SLC9A9: variants seen among roughly 807,000 people sequenced by gnomAD.
SLC9A9 encodes sodium/hydrogen exchanger 9.
A neutral mutation model predicts 77.8 loss-of-function variants in SLC9A9; 62 were observed. The observed-to-expected ratio is 0.80, with a 90% CI of 0.65 to 0.98. SLC9A9 has a LOEUF of 0.98. Ranked by LOEUF, SLC9A9 falls within the 50% of genes least tolerant of loss-of-function variation. SLC9A9 has a pLI of 0.00. For synonymous variants in SLC9A9, 320 were observed against 283.5 expected (o/e 1.13, Z -1.29); for missense variants, 775 against 774.9 (o/e 1.00, Z 0.00).
chr3:143,788,063 T>A (rs930228870), intron 4 of SLC9A9, among the ~76,000 whole-genome samples: 7 of 151,938 alleles, frequency 4.6e-5, no homozygotes, highest in Non-Finnish European at 1.0e-4. Context: ...AAAATAAAAT[T>A]AAAAGTCTAG....
intron 14 of SLC9A9, among the ~76,000 whole-genome samples, chr3:143,284,983 T>C (rs1365342613): frequency 6.6e-6 from 1 of 152,220 alleles, no homozygotes; most frequent in Non-Finnish European, 1.5e-5. Flanking sequence ...AAGGTAAATA[T>C]GTGCTGATAT....
chr3:143,432,881 C>A (rs145887108), intron 12 of SLC9A9, among the ~76,000 whole-genome samples: 11 of 152,342 alleles, frequency 7.2e-5, no homozygotes, highest in African/African-American at 2.6e-4. Context: ...CCACCTTGGC[C>A]TTCCAAAGTG....
At chr3:143,426,686 G>A (rs1295957473) in intron 12 of SLC9A9, among the ~76,000 whole-genome samples, 1 of 152,220 alleles carries the variant, frequency 6.6e-6, no homozygotes, top group African/African-American at 2.4e-5. Context: ...CCAGTGCCAT[G>A]TTGGAAAAAG....
At chr3:143,371,029 C>T (rs574586605) in intron 13 of SLC9A9, among the ~76,000 whole-genome samples, 5 of 151,846 alleles carry the variant, frequency 3.3e-5, no homozygotes, top group African/African-American at 7.3e-5. Flanking sequence ...GTTAGGGTAC[C>T]GCTGGAGTGG....
intron 11 of SLC9A9, among the ~76,000 whole-genome samples, chr3:143,472,544 AC>A (rs2035396241): frequency 6.6e-6 from 1 of 152,190 alleles, no homozygotes; most frequent in Admixed American, 6.5e-5. Flanking sequence ...TGTTTTCTCC[AC>A]AAAGCCTTCT....
At chr3:143,406,453 C>T (rs562790953) in intron 12 of SLC9A9, among the ~76,000 whole-genome samples, 1 of 151,962 alleles carries the variant, frequency 6.6e-6, no homozygotes, top group African/African-American at 2.4e-5. Flanking sequence ...TCTCGACTCA[C>T]TGCAACCTCC....
chr3:143,561,334 CT>C (rs1406001547), intron 8 of SLC9A9, among the ~76,000 whole-genome samples: 2 of 152,068 alleles, frequency 1.3e-5, no homozygotes, highest in African/African-American at 4.8e-5. Context: ...AATTGATAGT[CT>C]TCTGTGCATT....
At chr3:143,704,108 C>T (rs567164704) in intron 4 of SLC9A9, among the ~76,000 whole-genome samples, 46 of 152,144 alleles carry the variant, frequency 3.0e-4, no homozygotes, top group Non-Finnish European at 5.7e-4. Flanking sequence ...AAGAAAAGCC[C>T]GGGGAACCCA....
intron 9 of SLC9A9, among the ~76,000 whole-genome samples, chr3:143,550,812 T>C (rs1158913384): frequency 2.0e-5 from 3 of 152,236 alleles, no homozygotes; most frequent in Non-Finnish European, 4.4e-5. Flanking sequence ...GTTTGGTCTA[T>C]GTTCCTCATG....
At chr3:143,640,468 A>T (rs779052982) in intron 6 of SLC9A9, among the ~76,000 whole-genome samples, 3 of 152,206 alleles carry the variant, frequency 2.0e-5, no homozygotes, top group African/African-American at 2.4e-5. Context: ...AACTAGAGAG[A>T]TAACATTTCA....
chr3:143,573,775 T>C (rs2037309462), intron 8 of SLC9A9, among the ~76,000 whole-genome samples: 1 of 152,160 alleles, frequency 6.6e-6, no homozygotes, highest in Non-Finnish European at 1.5e-5. Context: ...TTTCACACTC[T>C]CAATGAAGAC....
chr3:143,777,716 C>CT (rs34103558), intron 4 of SLC9A9, among the ~76,000 whole-genome samples: 57,207 of 135,724 alleles, frequency 0.42, 12,659 homozygotes, highest in African/African-American at 0.55. Flanking sequence ...GTCACTGATA[C>CT]TTTTTTTTTT....
chr3:143,352,753 G>T (rs1023654143), intron 14 of SLC9A9, among the ~76,000 whole-genome samples: 7 of 152,324 alleles, frequency 4.6e-5, no homozygotes, highest in Admixed American at 1.3e-4. Context: ...AGTTTTCAAA[G>T]TAGAATGAAA....
chr3:143,282,041 G>A (rs753699869), intron 14 of SLC9A9, among the ~76,000 whole-genome samples: 4 of 152,040 alleles, frequency 2.6e-5, no homozygotes, highest in Non-Finnish European at 4.4e-5. Flanking sequence ...TTTCAGCTTG[G>A]CACTTGGAAA....
intron 2 of SLC9A9, among the ~76,000 whole-genome samples, chr3:143,824,050 G>A (rs1473322731): frequency 2.6e-5 from 4 of 152,142 alleles, no homozygotes; most frequent in Non-Finnish European, 4.4e-5. Flanking sequence ...AAGTTTGGAA[G>A]TTAGTATTTG....
intron 6 of SLC9A9, among the ~76,000 whole-genome samples, chr3:143,650,833 A>G (rs2038783111): frequency 6.6e-6 from 1 of 152,208 alleles, no homozygotes; most frequent in Non-Finnish European, 1.5e-5. Context: ...TGACATGAGG[A>G]GATACTACAT....
At chr3:143,647,563 G>T (rs566551089) in intron 6 of SLC9A9, among the ~76,000 whole-genome samples, 1 of 152,004 alleles carries the variant, frequency 6.6e-6, no homozygotes, top group Non-Finnish European at 1.5e-5. Flanking sequence ...TGCCTATATC[G>T]TGATCCTACA....
At chr3:143,545,178 A>G (rs2036765762) in intron 9 of SLC9A9, among the ~76,000 whole-genome samples, 2 of 152,010 alleles carry the variant, frequency 1.3e-5, no homozygotes, top group African/African-American at 4.8e-5. Flanking sequence ...TGCATACTCT[A>G]TTCTTTTTGA....
At chr3:143,598,179 T>C (rs2037789911) in intron 6 of SLC9A9, among the ~76,000 whole-genome samples, 2 of 152,190 alleles carry the variant, frequency 1.3e-5, no homozygotes, top group African/African-American at 4.8e-5. Flanking sequence ...AGAGCATAGC[T>C]TTCCCTACCG....
Sources: gnomAD v4.1 joint callset for allele counts (sites outside exome capture counted in the v4.1 genomes callset) on GRCh38, gnomAD v4.1.1 for gene constraint, MANE v1.5 for transcripts, NCBI Gene and HGNC (gene_info 2026-07-23, HGNC 2026-07-21) for gene names.